The following CDH13 variants were observed in gnomAD, a reference collection of about 807,000 sequenced individuals.
CDH13 encodes the protein cadherin-13.
Under a neutral mutation model 63.8 loss-of-function variants are expected in CDH13, and 24 were observed. The ratio of observed to expected loss-of-function variants is 0.38; its 90% CI spans 0.27 to 0.53. CDH13 has a LOEUF of 0.53. CDH13 is among the 20% of genes least tolerant of loss of function. The pLI, the probability that CDH13 is intolerant of heterozygous loss-of-function variation, is 0.85. For missense variants in CDH13, 1,049 were observed against 903.1 expected, an observed-to-expected ratio of 1.16 and a Z score of -2.07; for synonymous variants, 503 against 355.3, an observed-to-expected ratio of 1.42 and a Z score of -4.67.
At chr16:82,968,619 T>C (rs572078729) in intron 2 of CDH13, among the ~76,000 whole-genome samples, 160 of 152,282 alleles carry the variant, frequency 1.1e-3, no homozygotes, top group African/African-American at 3.7e-3. Flanking sequence ...TGGATTTAGA[T>C]TCCAAGACCC....
At chr16:83,702,058 G>A (rs1432556545) in intron 10 of CDH13, among the ~76,000 whole-genome samples, 1 of 152,136 alleles carries the variant, frequency 6.6e-6, no homozygotes, top group Non-Finnish European at 1.5e-5. Context: ...AACATAGAAA[G>A]AACCCAATAC....
intron 7 of CDH13, among the ~76,000 whole-genome samples, chr16:83,595,210 G>T (rs764324816): frequency 6.6e-6 from 1 of 152,222 alleles, no homozygotes; most frequent in Non-Finnish European, 1.5e-5. Flanking sequence ...TTGAGCTGCA[G>T]TTCCGCAAAG....
intron 10 of CDH13, chr16:83,710,545 A>G (rs1029304792): frequency 1.2e-5 from 1 of 82,424 alleles, no homozygotes; most frequent in African/African-American, 6.0e-5. Flanking sequence ...AAGGGAGGCA[A>G]CCTGGAAAAA....
chr16:83,611,445 G>C (rs1007493610), intron 8 of CDH13, among the ~76,000 whole-genome samples: 1 of 151,594 alleles, frequency 6.6e-6, no homozygotes, highest in East Asian at 1.9e-4. Flanking sequence ...TTCTTGGTTG[G>C]TCCTGCCATG....
At chr16:82,963,733 A>G (rs531383321) in intron 2 of CDH13, among the ~76,000 whole-genome samples, 1 of 152,286 alleles carries the variant, frequency 6.6e-6, no homozygotes, top group South Asian at 2.1e-4. Context: ...CAGTCCATAA[A>G]GCTGGATGAT....
At chr16:83,257,096 G>A (rs1906388538) in intron 5 of CDH13, among the ~76,000 whole-genome samples, 1 of 152,044 alleles carries the variant, frequency 6.6e-6, no homozygotes, top group South Asian at 2.1e-4. Context: ...AGGCACCTAG[G>A]AATACAGAAA....
intron 8 of CDH13, among the ~76,000 whole-genome samples, chr16:83,652,027 T>C (rs1469874899): frequency 1.3e-5 from 2 of 152,192 alleles, no homozygotes; most frequent in Non-Finnish European, 2.9e-5. Flanking sequence ...CCTTATCTCA[T>C]TGAGCCTGAT....
intron 8 of CDH13, among the ~76,000 whole-genome samples, chr16:83,647,392 C>T (rs1315988695): frequency 6.6e-6 from 1 of 152,022 alleles, no homozygotes; most frequent in Non-Finnish European, 1.5e-5. Flanking sequence ...CACGGGTGAC[C>T]CCAGGAGGCT....
At chr16:83,616,472 C>T (rs1339173577) in intron 8 of CDH13, among the ~76,000 whole-genome samples, 1 of 152,086 alleles carries the variant, frequency 6.6e-6, no homozygotes, top group Non-Finnish European at 1.5e-5. Flanking sequence ...ACAATAAAAG[C>T]AATTTTTCAC....
At chr16:82,757,174 CT>C (rs2034643485) in intron 1 of CDH13, among the ~76,000 whole-genome samples, 1 of 152,162 alleles carries the variant, frequency 6.6e-6, no homozygotes, top group African/African-American at 2.4e-5. Flanking sequence ...TCCTGTTTGT[CT>C]CTTGCTGCAG....
intron 11 of CDH13, among the ~76,000 whole-genome samples, chr16:83,752,926 G>A (rs770266807): frequency 6.6e-6 from 1 of 152,156 alleles, no homozygotes; most frequent in Non-Finnish European, 1.5e-5. Flanking sequence ...GAAATATACA[G>A]CTTGAAATCC....
intron 2 of CDH13, among the ~76,000 whole-genome samples, chr16:82,873,042 A>G (rs551381754): frequency 1.1e-3 from 174 of 152,320 alleles, no homozygotes; most frequent in African/African-American, 4.0e-3. Context: ...AGGCAAGGTC[A>G]TATGATAGAG....
chr16:83,515,015 C>T (rs1398954312), intron 7 of CDH13, among the ~76,000 whole-genome samples: 1 of 152,148 alleles, frequency 6.6e-6, no homozygotes, highest in Non-Finnish European at 1.5e-5. Context: ...CCCAGGTGCA[C>T]ACAGCCAGCT....
At chr16:82,767,272 T>A (rs1567513572) in intron 1 of CDH13, among the ~76,000 whole-genome samples, 2 of 152,192 alleles carry the variant, frequency 1.3e-5, no homozygotes, top group East Asian at 3.9e-4. Context: ...TGCAGAAAGT[T>A]CCCTCAAGCC....
intron 4 of CDH13, among the ~76,000 whole-genome samples, chr16:83,147,311 C>A (rs991536141): frequency 6.6e-6 from 1 of 152,186 alleles, no homozygotes; most frequent in Non-Finnish European, 1.5e-5. Flanking sequence ...TGAGGCCTGA[C>A]CTTGCTTTGA....
At chr16:82,987,140 C>A (rs1411000344) in intron 2 of CDH13, among the ~76,000 whole-genome samples, 1 of 152,126 alleles carries the variant, frequency 6.6e-6, no homozygotes, top group Non-Finnish European at 1.5e-5. Context: ...TTGCCGTTTT[C>A]CCAGAAGTAG....
intron 2 of CDH13, among the ~76,000 whole-genome samples, chr16:83,008,752 C>T (rs1343716280): frequency 6.6e-6 from 1 of 152,136 alleles, no homozygotes; most frequent in Non-Finnish European, 1.5e-5. Flanking sequence ...CTCTCTTTCT[C>T]CCTCCTTCCT....
At chr16:83,645,427 G>A (rs1387432446) in intron 8 of CDH13, among the ~76,000 whole-genome samples, 1 of 152,076 alleles carries the variant, frequency 6.6e-6, no homozygotes, top group Non-Finnish European at 1.5e-5. Context: ...TGGGGATGAG[G>A]GCTGAAAAAC....
chr16:83,187,543 A>G (rs1358698759), intron 4 of CDH13, among the ~76,000 whole-genome samples: 2 of 152,060 alleles, frequency 1.3e-5, no homozygotes, highest in Non-Finnish European at 2.9e-5. Flanking sequence ...TAGGATGTAG[A>G]TTGGCAGGGG....
Sources: allele counts gnomAD v4.1 joint callset (sites outside exome capture counted in the v4.1 genomes callset), GRCh38; gene constraint gnomAD v4.1.1; transcripts MANE v1.5; gene names NCBI Gene and HGNC (gene_info 2026-07-23, HGNC 2026-07-21).